Variants in IL3RA observed in about 807,000 individuals in gnomAD.
IL3RA encodes the protein interleukin 3 receptor subunit alpha, also known as interleukin-3 receptor subunit alpha.
A neutral mutation model predicts 52.3 loss-of-function variants in IL3RA; 73 were observed. That is an observed-to-expected ratio of 1.40 (90% CI 1.16 to 1.70). The LOEUF is 1.70. Ranked by LOEUF, IL3RA falls within the 40% of genes most tolerant of loss-of-function variation. The pLI, the probability that IL3RA is intolerant of heterozygous loss-of-function variation, is 0.00. For synonymous variants in IL3RA, 260 were observed against 194.0 expected, an observed-to-expected ratio of 1.34 and a Z score of -2.83; for missense variants, 664 against 504.4, an observed-to-expected ratio of 1.32 and a Z score of -3.03.
intron 4 of IL3RA, among the ~76,000 whole-genome samples, chrX:1,349,464 G>C (rs1603443647): frequency 6.6e-6 from 1 of 151,906 alleles, no homozygotes; most frequent in East Asian, 1.9e-4. Flanking sequence ...ACAGGGGTGA[G>C]CCACCGCGCC....
intron 6 of IL3RA, among the ~76,000 whole-genome samples, chrX:1,353,996 G>A (rs2086402531): frequency 7.6e-6 from 1 of 132,028 alleles, no homozygotes; most frequent in Admixed American, 8.0e-5. Context: ...TGGGTCATGG[G>A]AGCCCCCATT....
rs2085912242 is a variant in IL3RA, at chrX:1,348,673, T to TC, written c.298+129dup. 2 of 468,386 alleles carry TC rather than the reference T, an allele frequency of 4.3e-6. 1 individual carries two copies. Among genetic ancestry groups the TC allele is most frequent in the Admixed American group, 8.6e-5 (2 of 23,378 alleles). The allele number at this position is 468,386 out of a possible 1,614,324, so 29.0% of individuals were successfully genotyped here. A position where few individuals can be genotyped will look rare whatever the true frequency, so the allele number is the denominator to read the frequency against. On this transcript the variant is annotated intron_variant, in intron 4 of 11. Coordinates refer to ENST00000331035, the MANE Select transcript of IL3RA (RefSeq NM_002183.4). ...TTCTTTCTTTCTTTCTTTCTTTCTT[T>TC]CTTTCTTTCTTTCTTTCTTTTTCTT...
chrX:1,338,699 G>T (rs1365979087), intron 1 of IL3RA, among the ~76,000 whole-genome samples: 2 of 152,228 alleles, frequency 1.3e-5, no homozygotes, highest in Non-Finnish European at 2.9e-5. Context: ...CACAGAGACA[G>T]AAAGTGGATG....
chrX:1,377,158 C>T (rs147606512), intron 9 of IL3RA, among the ~76,000 whole-genome samples: 9,758 of 152,308 alleles, frequency 0.064, 504 homozygotes, highest in Non-Finnish European at 0.1. Context: ...GGAACCAGCC[C>T]TGCCCATGCC....
At chrX:1,373,857 A>G (rs1208483394) in intron 9 of IL3RA, among the ~76,000 whole-genome samples, 21 of 69,892 alleles carry the variant, frequency 3.0e-4, no homozygotes, top group African/African-American at 1.4e-3. Context: ...AGAAGACGGC[A>G]TCTCCAAGCC....
chrX:1,355,738 C>T (rs1462515444), intron 6 of IL3RA, among the ~76,000 whole-genome samples: 1 of 151,810 alleles, frequency 6.6e-6, no homozygotes, highest in Non-Finnish European at 1.5e-5. Flanking sequence ...GTGTAGGAGT[C>T]TGCATCTTGA....
At chrX:1,364,422 C>T (rs1365066993) in intron 8 of IL3RA, among the ~76,000 whole-genome samples, 6 of 151,992 alleles carry the variant, frequency 3.9e-5, no homozygotes, top group South Asian at 2.1e-4. Flanking sequence ...ATCTGGGAGG[C>T]GGAGGTTGCG....
chrX:1,350,915 GCA>G (rs1172424570), intron 4 of IL3RA, among the ~76,000 whole-genome samples: 1 of 147,918 alleles, frequency 6.8e-6, no homozygotes, highest in African/African-American at 2.5e-5. Flanking sequence ...GCACACACAC[GCA>G]CACACACACA....
chrX:1,344,124 C>G (rs2085621552), intron 2 of IL3RA, among the ~76,000 whole-genome samples: 2 of 151,994 alleles, frequency 1.3e-5, no homozygotes, highest in African/African-American at 4.8e-5. Context: ...TCACAGAAGT[C>G]TCCTGTGTAC....
At chrX:1,360,898 CCTCT>C (rs758666519) in intron 8 of IL3RA, among the ~76,000 whole-genome samples, 12 of 141,220 alleles carry the variant, frequency 8.5e-5, no homozygotes, top group Admixed American at 2.8e-4. Context: ...TCTCCCTTCC[CCTCT>C]CTGTCTCTCT....
rs2085904253 is a variant in IL3RA, at chrX:1,348,659, TTTCTTTC to T, written c.298+117_298+123del. Reference sequence around the variant, plus strand: ...TTTTCTTTTTCTCTTTCTTTCTTTCTTTCTTTCTTTCTTTCTTTCTTTCTTTCTTTCT... The same window carrying T: ...TTTTCTTTTTCTCTTTCTTTCTTTCTTTTCTTTCTTTCTTTCTTTCTTTCT... On this transcript the variant is annotated intron_variant, in intron 4 of 11. Transcript: ENST00000331035. The T allele has an allele frequency of 6.9e-6, 3 of 435,522 alleles. 1 individual carries two copies. The highest frequency in any genetic ancestry group is 1.2e-5 in the Non-Finnish European group (3 of 252,274). 27.0% of individuals were successfully genotyped at this position (435,522 alleles called of 1,614,324 possible). A position where few individuals can be genotyped will look rare whatever the true frequency, so the allele number is the denominator to read the frequency against.
intron 1 of IL3RA, among the ~76,000 whole-genome samples, chrX:1,337,511 A>G (rs2085356703): frequency 6.6e-6 from 1 of 152,068 alleles, no homozygotes; most frequent in Admixed American, 6.6e-5. Flanking sequence ...CAGCCCTCGT[A>G]CCCATCTATA....
At chrX:1,354,828 A>G in intron 6 of IL3RA, among the ~76,000 whole-genome samples, 1 of 42,694 alleles carries the variant, frequency 2.3e-5, no homozygotes, top group Non-Finnish European at 4.2e-5. Context: ...TGAAGGAGAG[A>G]GGGAGGAGAA....
intron 3 of IL3RA, among the ~76,000 whole-genome samples, chrX:1,346,268 G>A (rs1425563322): frequency 2.0e-4 from 31 of 151,850 alleles, no homozygotes; most frequent in African/African-American, 6.5e-4. Flanking sequence ...GTGAAACCCC[G>A]CCTCCACTAA....
At chrX:1,380,799 T>C (rs1253760069) in intron 10 of IL3RA, among the ~76,000 whole-genome samples, 1 of 151,488 alleles carries the variant, frequency 6.6e-6, no homozygotes, top group African/African-American at 2.4e-5. Context: ...CCTGGGTGGC[T>C]CCGGTACCAG....
At chrX:1,367,764 C>CGGGTGAGCG (rs1245562424) in intron 9 of IL3RA, among the ~76,000 whole-genome samples, 21 of 56,836 alleles carry the variant, frequency 3.7e-4, no homozygotes, top group African/African-American at 1.1e-3. Flanking sequence ...CGGGGTGCGC[C>CGGGTGAGCG]GGGTGAGCGG....
At chrX:1,347,791 C>G (rs2085818116) in intron 3 of IL3RA, among the ~76,000 whole-genome samples, 1 of 151,830 alleles carries the variant, frequency 6.6e-6, no homozygotes, top group Non-Finnish European at 1.5e-5. Context: ...GTCATCCCAG[C>G]ACTTTGGGAG....
chrX:1,378,825 C>G (rs1437568244), intron 10 of IL3RA, 61 bp downstream of exon 10: 2 of 1,388,336 alleles, frequency 1.4e-6, no homozygotes, highest in African/African-American at 2.8e-5. Flanking sequence ...GAAAGTTATT[C>G]ACAGAACCAT....
intron 1 of IL3RA, among the ~76,000 whole-genome samples, chrX:1,340,258 G>C (rs2085442390): frequency 6.6e-6 from 1 of 151,894 alleles, no homozygotes; most frequent in African/African-American, 2.4e-5. Context: ...TGGGATTATA[G>C]GCACACTCCA....
Sources: gnomAD v4.1 joint callset for allele counts (sites outside exome capture counted in the v4.1 genomes callset) on GRCh38, gnomAD v4.1.1 for gene constraint, MANE v1.5 for transcripts, NCBI Gene and HGNC (gene_info 2026-07-23, HGNC 2026-07-21) for gene names.